The following TMEM184A variants were observed in gnomAD, a reference collection of about 807,000 sequenced individuals.
The protein encoded by TMEM184A is transmembrane protein 184A.
In TMEM184A, 40 loss-of-function variants were observed where a neutral mutation model predicts 39.5. The observed-to-expected ratio is 1.01, with a 90% confidence interval of 0.79 to 1.32. TMEM184A has a LOEUF of 1.32. Among genes scored for constraint, TMEM184A ranks in the 40% most tolerant of loss-of-function variants. The probability of loss-of-function intolerance (pLI) is 0.00; values close to 1 mark genes in which losing one functional copy is unlikely to be tolerated. For missense variants in TMEM184A, 603 were observed against 568.8 expected (o/e 1.06, Z -0.61); for synonymous variants, 280 against 252.3 (o/e 1.11, Z -1.04).
intron 2 of TMEM184A, 29 bp from the exon 3 acceptor site, chr7:1,551,011 C>A (rs373163510): frequency 2.0e-6 from 3 of 1,468,822 alleles, no homozygotes; most frequent in Non-Finnish European, 2.8e-6. Context: ...GCATGAGAGC[C>A]GGGCCCGCCT....
intron 6 of TMEM184A, chr7:1,549,507 G>A (rs755848668): frequency 8.2e-6 from 4 of 485,046 alleles, no homozygotes; most frequent in African/African-American, 7.9e-5. Flanking sequence ...AGAAGCCCTG[G>A]GGTCCTCGGC....
In TMEM184A at chr7:1,555,234, C is replaced by T. The variant is rs1778511345; in HGVS notation, c.219+32G>A. ...GGCCACGTCCTGTGGAGACCAAGGT[C>T]CTGAAGGAGGCTCGGGGGCGGAAGG... On this transcript the variant is annotated intron_variant, in intron 2 of 8. Coordinates refer to ENST00000297477, the MANE Select transcript of TMEM184A (RefSeq NM_001097620.2). This position sits in a 1 kb window ranked among gnomAD's most constrained non-coding sequence, Gnocchi z 5.2. 1.3e-6 allele frequency: 2 copies of T among 1,561,190 alleles called. No individual in the cohort carries two copies. Among genetic ancestry groups the T allele is most frequent in the Non-Finnish European group, 1.7e-6 (2 of 1,152,364 alleles).
rs983873865 is a variant in TMEM184A, at chr7:1,555,785, A to G, written c.1-301T>C. Among the ~76,000 whole-genome samples the G allele has an allele frequency of 5.3e-5, 8 of 152,092 alleles. No homozygotes were observed. Among genetic ancestry groups the G allele is most frequent in the Non-Finnish European group, 8.8e-5 (6 of 68,002 alleles). ...TTGCAGGGAGCCTGCTTCTTAGGGG[A>G]CAAAGACCGTCTTCCAGTGGGGCAG... On this transcript the variant is annotated intron_variant, in intron 1 of 8. Coordinates refer to ENST00000297477, the MANE Select transcript of TMEM184A (RefSeq NM_001097620.2). This position sits in a 1 kb window ranked among gnomAD's most constrained non-coding sequence, Gnocchi z 5.2.
rs926764276 is a variant in TMEM184A, at chr7:1,543,147, A to T, written c.*3805T>A. On this transcript the variant is annotated 3_prime_UTR_variant, in exon 9 of 9. Coordinates refer to ENST00000297477, the MANE Select transcript of TMEM184A (RefSeq NM_001097620.2). Reference sequence around the variant, plus strand: ...ACCCTGCCTGTCCCTCACCGGGGTCAGGATCCGGGCACTACGTGTAAGTGG... The same window carrying T: ...ACCCTGCCTGTCCCTCACCGGGGTCTGGATCCGGGCACTACGTGTAAGTGG... 1 of 150,556 alleles carries T rather than the reference A, an allele frequency of 6.6e-6. No homozygotes were observed. The highest frequency in any genetic ancestry group is 1.5e-5 in the Non-Finnish European group (1 of 67,626). The allele number at this position is 150,556 out of a possible 1,614,324, so 9.3% of individuals were successfully genotyped here.
intron 8 of TMEM184A, 25 bp from the exon 9 acceptor site, chr7:1,547,206 CCACCA>C: frequency 7.3e-7 from 1 of 1,362,234 alleles, no homozygotes; most frequent in Non-Finnish European, 1.0e-6. Context: ...TGTATGAGCC[CCACCA>C]TCCCCCCTGC....
Position 1,548,670 on chromosome 7 carries a change from G to A in TMEM184A, c.663C>T (p.Leu221=), listed in dbSNP as rs1233737231. 1.2e-6 allele frequency: 2 copies of A among 1,613,748 alleles called. No individual in the cohort carries two copies. Among genetic ancestry groups the A allele is most frequent in the South Asian group, 2.2e-5 (2 of 91,088 alleles). Residue 221 remains leucine (L), a synonymous_variant, in exon 7 of 9, where the codon CTC becomes CTT. Coordinates refer to ENST00000297477, the MANE Select transcript of TMEM184A (RefSeq NM_001097620.2). ...DGDFNVRSGY[L]YVTLIYNASV... is the part of the protein sequence containing the mutation. ...AGGCGTTGTAGATGAGGGTCACATA[G>A]AGGTAGCCGCTGCGGACACTAGGAC...
intron 2 of TMEM184A, among the ~76,000 whole-genome samples, chr7:1,552,876 G>A (rs568312392): frequency 1.3e-5 from 2 of 152,112 alleles, no homozygotes; most frequent in Non-Finnish European, 2.9e-5. Flanking sequence ...TCAACAGGGC[G>A]AACTCCATCT....
At chr7:1,550,253 G>T in intron 4 of TMEM184A, 52 bp downstream of exon 4, 1 of 1,608,058 alleles carries the variant, frequency 6.2e-7, no homozygotes, top group Non-Finnish European at 8.5e-7. Flanking sequence ...GCGCCGCCGG[G>T]CTCCCTGTCC....
At chr7:1,547,963 C>A (rs937229134) in intron 7 of TMEM184A, 24 bp from the exon 8 acceptor site, 5 of 1,546,560 alleles carry the variant, frequency 3.2e-6, no homozygotes, top group Non-Finnish European at 4.4e-6. Context: ...GGCCGCTCAG[C>A]CCCAGCCCCA....
rs201665860 is a variant in TMEM184A at position 1,549,846 on chromosome 7, C to T, written c.644+8G>A. 142 of 1,592,972 alleles carry T rather than the reference C, an allele frequency of 8.9e-5. No individual in the cohort carries two copies. In the African/African-American group the frequency reaches 1.2e-3, roughly 14 times the overall value. ...TCATGCCAGGTGTCCCCGCAGCTCC[C>T]GCCTTACTTGAAGTCCCCGTCGTGG... On this transcript the variant is annotated splice_region_variant and intron_variant, in intron 6 of 8. Coordinates refer to ENST00000297477, the MANE Select transcript of TMEM184A (RefSeq NM_001097620.2).
chr7:1,550,246 C>A (rs756051537), intron 4 of TMEM184A, 48 bp from the exon 5 acceptor site: 1 of 1,605,900 alleles, frequency 6.2e-7, no homozygotes, highest in Non-Finnish European at 8.5e-7. Flanking sequence ...AGCCCCGGCG[C>A]CGCCGGGCTC....
Position 1,547,858 on chromosome 7 carries a change from G to T in TMEM184A, c.896C>A (p.Thr299Lys). ...TSGGNKLGAGTLAAGYQNFII... is the reference protein window; with the variant it reads ...TSGGNKLGAGKLAAGYQNFII... ...GAAGTTCTGGTAGCCGGCGGCCAGC[G>T]TGCCAGCCCCCAGCTTGTTCCCGCC... is the stretch of plus-strand genomic sequence containing the variant. Residue 299 changes from threonine (T) to lysine (K), a missense_variant, in exon 8 of 9, where the codon ACG becomes AAG. Physicochemically the swap from Thr to Lys is moderately conservative, Grantham distance 78. Transcript: ENST00000297477. 1.2e-6 allele frequency: 2 copies of T among 1,605,644 alleles called. No homozygotes were observed. Among genetic ancestry groups the T allele is most frequent in the Non-Finnish European group, 1.7e-6 (2 of 1,176,544 alleles).
rs140813501 is a variant in TMEM184A at position 1,553,599 on chromosome 7, C to T, written c.219+1667G>A. Among the ~76,000 whole-genome samples the T allele has an allele frequency of 2.6e-3, 400 of 152,132 alleles. 2 individuals are homozygous for T. The highest frequency in any genetic ancestry group is 4.0e-3 in the Non-Finnish European group (275 of 67,992). On this transcript the variant is annotated intron_variant, in intron 2 of 8. Transcript: ENST00000297477. ...CGTGGCGGTGGGCGAGCAGAGGCTA[C>T]GTGCACCTGGCCGCTTGGGGTGCAG...
Position 1,555,823 on chromosome 7 carries a change from CCCTGCCGCCCTG to C in TMEM184A, c.-1+279_-1+290del. Reference sequence around the variant, plus strand: ...TCCAGTGGGGCAGAAGAGGGGGAACCCCTGCCGCCCTGCCTGCCCGGGAGGGCTGGGGAGCGG... The same window carrying C: ...TCCAGTGGGGCAGAAGAGGGGGAACCCCTGCCCGGGAGGGCTGGGGAGCGG... On this transcript the variant is annotated intron_variant, in intron 1 of 8. Coordinates refer to ENST00000297477, the MANE Select transcript of TMEM184A (RefSeq NM_001097620.2). This position sits in a 1 kb window ranked among gnomAD's most constrained non-coding sequence, Gnocchi z 5.2. 2.9e-6 allele frequency: 1 copy of C among 347,608 alleles called. No homozygotes were observed. The highest frequency in any genetic ancestry group is 5.3e-6 in the Non-Finnish European group (1 of 187,194). 21.5% of individuals were successfully genotyped at this position (347,608 alleles called of 1,614,324 possible). A position where few individuals can be genotyped will look rare whatever the true frequency, so the allele number is the denominator to read the frequency against.
At position 1,545,226 on chromosome 7, in the gene TMEM184A, G is replaced by A. The variant is rs1784305396; in HGVS notation, c.*1726C>T. On this transcript the variant is annotated 3_prime_UTR_variant, in exon 9 of 9. Coordinates refer to ENST00000297477, the MANE Select transcript of TMEM184A (RefSeq NM_001097620.2). ...CGCCTGGTGGGTCTATTCCTGTGGG[G>A]ATCCAATAAGACAGGTGGGCGTCTT... 6.6e-6 allele frequency: 1 copy of A among 152,358 alleles called. No individual in the cohort carries two copies. The highest frequency in any genetic ancestry group is 1.5e-5 in the Non-Finnish European group (1 of 68,084). The allele number at this position is 152,358 out of a possible 1,614,324, so 9.4% of individuals were successfully genotyped here.
chr7:1,554,713 G>T (rs1778481724), intron 2 of TMEM184A, among the ~76,000 whole-genome samples: 1 of 152,204 alleles, frequency 6.6e-6, no homozygotes, highest in South Asian at 2.1e-4. Flanking sequence ...CCCACCTGGG[G>T]ACTGCTCCGG....
intron 6 of TMEM184A, chr7:1,548,944 G>A (rs760790723): frequency 1.4e-5 from 9 of 641,082 alleles, no homozygotes; most frequent in Middle Eastern, 2.5e-4. Context: ...GCTCCTCCTC[G>A]TCCCAGGATC....
chr7:1,554,792 G>A (rs10952168), intron 2 of TMEM184A, among the ~76,000 whole-genome samples: 91,042 of 151,990 alleles, frequency 0.6, 27,517 homozygotes, highest in East Asian at 0.68. Flanking sequence ...CAGGAGTCCC[G>A]GTCCCTCTAA....
chr7:1,550,309 T>G lies in TMEM184A; in HGVS notation c.472A>C (p.Ile158Leu). The stretch of plus-strand genomic sequence containing the variant: ...GCTCTGGGGTGACGGGCTTACTTGA[T>G]GGGCTTTCCACGAATCTCAGCCATG... ...AIMAEIRGKPIKSSCLYGTCC... is the reference protein window; with the variant it reads ...AIMAEIRGKPLKSSCLYGTCC... The change falls in exon 4 of 9, where the codon ATC becomes CTC. Residue 158 changes from isoleucine to leucine, a missense_variant. Ile to Leu is a conservative substitution (Grantham distance 5, BLOSUM62 2). Transcript: ENST00000297477. The G allele has an allele frequency of 2.5e-6, 4 of 1,612,820 alleles. No homozygotes were observed. Among genetic ancestry groups the G allele is most frequent in the Non-Finnish European group, 3.4e-6 (4 of 1,179,726 alleles).
Sources: gnomAD v4.1 joint callset for allele counts (sites outside exome capture counted in the v4.1 genomes callset) on GRCh38, gnomAD v4.1.1 for gene constraint, Gnocchi (gnomAD v3.1) non-coding constraint, MANE v1.5 for transcripts, NCBI Gene and HGNC (gene_info 2026-07-23, HGNC 2026-07-21) for gene names.